DMD: variants seen among roughly 807,000 people sequenced by gnomAD.
DMD encodes mutant dystrophin.
A neutral mutation model predicts 330.1 loss-of-function variants in DMD; 63 were observed. The observed-to-expected ratio is 0.19, with a 90% CI of 0.16 to 0.24. DMD has a LOEUF of 0.24. Ranked by LOEUF, DMD falls within the 10% of genes least tolerant of loss-of-function variation. The pLI is 1.00. For missense variants in DMD, 3,344 were observed against 2,684.1 expected (o/e 1.25, Z -5.43); for synonymous variants, 1,223 against 959.8 (o/e 1.27, Z -5.07).
chrX:31,736,852 C>T (rs1288824859), intron 51 of DMD, among the ~76,000 whole-genome samples: 1 of 110,794 alleles, frequency 9.0e-6, no homozygotes, highest in African/African-American at 3.3e-5. Flanking sequence ...GCCACCTATT[C>T]GGTTTACTAT....
intron 44 of DMD, among the ~76,000 whole-genome samples, chrX:32,205,005 T>TCTCTCTCTCTCTCTCACACACACACA (rs60181300): frequency 3.4e-5 from 1 of 29,232 alleles, no homozygotes; most frequent in African/African-American, 1.1e-4. Flanking sequence ...TCTCTCTCTC[T>TCTCTCTCTCTCTCTCACACACACACA]CACATACACA....
chrX:32,644,467 C>T (rs1182073796), intron 10 of DMD, among the ~76,000 whole-genome samples, 154 bp from the exon 11 acceptor site: 4 of 110,706 alleles, frequency 3.6e-5, no homozygotes, highest in Non-Finnish European at 7.6e-5. Flanking sequence ...ATCCCAAAAC[C>T]ACTTTTAATA....
intron 54 of DMD, among the ~76,000 whole-genome samples, chrX:31,641,290 A>T (rs1056083124): frequency 9.0e-6 from 1 of 110,947 alleles, no homozygotes; most frequent in Non-Finnish European, 1.9e-5. Context: ...TCACGAGGTC[A>T]GGAGTTCAAG....
At chrX:32,992,093 C>A (rs1173641083) in intron 2 of DMD, among the ~76,000 whole-genome samples, 1 of 111,961 alleles carries the variant, frequency 8.9e-6, no homozygotes, top group Non-Finnish European at 1.9e-5. Context: ...AAGACAAATG[C>A]ATACTTAACA....
At chrX:31,659,377 A>T (rs2080977130) in intron 53 of DMD, among the ~76,000 whole-genome samples, 1 of 111,146 alleles carries the variant, frequency 9.0e-6, no homozygotes, top group Non-Finnish European at 1.9e-5. Flanking sequence ...GCGGTGGCTC[A>T]TGCCTGTAAT....
At chrX:32,607,822 C>G (rs2056857362) in intron 12 of DMD, among the ~76,000 whole-genome samples, 3 of 109,953 alleles carry the variant, frequency 2.7e-5, no homozygotes, top group Non-Finnish European at 3.8e-5. Context: ...TTTTGTATTA[C>G]CTATACGAAA....
chrX:31,353,005 T>C (rs1381325985), intron 60 of DMD, among the ~76,000 whole-genome samples: 1 of 111,888 alleles, frequency 8.9e-6, no homozygotes, highest in Non-Finnish European at 1.9e-5. Context: ...AGAAATGATA[T>C]ACCTGTGTCT....
intron 3 of DMD, among the ~76,000 whole-genome samples, chrX:32,847,034 C>A (rs1417643227): frequency 9.0e-6 from 1 of 110,660 alleles, no homozygotes; most frequent in African/African-American, 3.3e-5. Flanking sequence ...GAAAGAAAAA[C>A]AGCAAATAAC....
chrX:32,130,162 A>G (rs1335581220), intron 44 of DMD, among the ~76,000 whole-genome samples: 2 of 110,683 alleles, frequency 1.8e-5, no homozygotes, highest in Non-Finnish European at 3.8e-5. Flanking sequence ...AGGCTTACAC[A>G]GGTGCCTGAA....
At chrX:32,084,098 A>G (rs187301419) in intron 44 of DMD, among the ~76,000 whole-genome samples, 25 of 112,320 alleles carry the variant, frequency 2.2e-4, no homozygotes, top group Middle Eastern at 4.6e-3. Context: ...TTTAAAATGA[A>G]CTTTAAATGT....
At chrX:31,544,323 C>CAAAAAAA (rs756215454) in intron 55 of DMD, among the ~76,000 whole-genome samples, 1 of 50,884 alleles carries the variant, frequency 2.0e-5, no homozygotes, top group Non-Finnish European at 4.1e-5. Context: ...GACTCCGTCT[C>CAAAAAAA]AAAAAAAAAA....
chrX:32,745,181 A>G (rs1199002791), intron 7 of DMD, among the ~76,000 whole-genome samples: 2 of 112,418 alleles, frequency 1.8e-5, no homozygotes, highest in Admixed American at 9.4e-5. Flanking sequence ...AAAGCCAGAG[A>G]AAGAGAAAGA....
intron 43 of DMD, among the ~76,000 whole-genome samples, chrX:32,252,851 AATATATAT>A (rs1189775743): frequency 8.3e-5 from 6 of 72,679 alleles, no homozygotes; most frequent in East Asian, 3.8e-4. Flanking sequence ...TAAATATATA[AATATATAT>A]AAATATATAA....
intron 47 of DMD, among the ~76,000 whole-genome samples, chrX:31,891,946 GA>G (rs1188533416): frequency 1.8e-5 from 2 of 111,945 alleles, no homozygotes; most frequent in African/African-American, 6.5e-5. Flanking sequence ...ACCCAAATTG[GA>G]AAATGGACAA....
At chrX:33,082,677 A>G (rs112588136) in intron 1 of DMD, among the ~76,000 whole-genome samples, 3,431 of 112,286 alleles carry the variant, frequency 0.031, 123 homozygotes, top group African/African-American at 0.11. Context: ...TAACTATGAC[A>G]TGAACCCCAA....
chrX:32,695,947 A>G (rs1481251451), intron 9 of DMD, among the ~76,000 whole-genome samples: 1 of 111,860 alleles, frequency 8.9e-6, no homozygotes, highest in Non-Finnish European at 1.9e-5. Context: ...TCAGTGGTAG[A>G]AAGTTAGGAG....
At chrX:32,258,912 A>T (rs753745310) in intron 43 of DMD, among the ~76,000 whole-genome samples, 3 of 111,802 alleles carry the variant, frequency 2.7e-5, no homozygotes, top group South Asian at 3.8e-4. Context: ...AAAATAAATG[A>T]TTCAGAATCA....
At chrX:33,205,008 C>A (rs1346354519) in intron 1 of DMD, among the ~76,000 whole-genome samples, 1 of 112,406 alleles carries the variant, frequency 8.9e-6, no homozygotes, top group African/African-American at 3.2e-5. Flanking sequence ...AAGGAATCCT[C>A]TAGCTCTTCA....
chrX:31,812,575 A>T (rs902462526), intron 50 of DMD, among the ~76,000 whole-genome samples: 1 of 111,558 alleles, frequency 9.0e-6, no homozygotes, highest in African/African-American at 3.3e-5. Context: ...AATAAAAAAA[A>T]GTTAAGCAAA....
Sources: gnomAD v4.1 joint callset for allele counts (sites outside exome capture counted in the v4.1 genomes callset) on GRCh38, gnomAD v4.1.1 for gene constraint, MANE v1.5 for transcripts, NCBI Gene and HGNC (gene_info 2026-07-23, HGNC 2026-07-21) for gene names.